Variants in ACOX2 observed in about 807,000 individuals in gnomAD.
ACOX2 encodes acyl-CoA oxidase 2, also known as peroxisomal acyl-coenzyme A oxidase 2.
A neutral mutation model predicts 77.5 loss-of-function variants in ACOX2; 59 were observed. The observed-to-expected ratio is 0.76, with a 90% CI of 0.62 to 0.95. ACOX2 has a LOEUF of 0.95. Ranked by LOEUF, ACOX2 falls within the 40% of genes least tolerant of loss-of-function variation. ACOX2 has a pLI of 0.00. For missense variants in ACOX2, 837 were observed against 880.4 expected (o/e 0.95, Z 0.62); for synonymous variants, 317 against 340.1 (o/e 0.93, Z 0.75).
rs1261911955 is a variant in ACOX2 at position 58,528,480 on chromosome 3, C to T, written c.1155+314G>A. On this transcript the variant is annotated intron_variant, in intron 9 of 14. Coordinates refer to ENST00000302819, the MANE Select transcript of ACOX2 (RefSeq NM_003500.4). This position sits in a 1 kb window ranked among gnomAD's most constrained non-coding sequence, Gnocchi z 5.6. ...CAGGTCAGTTCAGGTCAAACTATGC[C>T]ACCAAATGAGTTCCAAACAACTGTT... Among the ~76,000 whole-genome samples, 2 of 152,210 alleles carry T rather than the reference C, an allele frequency of 1.3e-5. No individual in the cohort carries two copies. Among genetic ancestry groups the T allele is most frequent in the Non-Finnish European group, 2.9e-5 (2 of 68,028 alleles).
rs1008735278 is a variant in ACOX2 at position 58,533,919 on chromosome 3, T to C, written c.475+75A>G. On this transcript the variant is annotated intron_variant, in intron 4 of 14. Coordinates refer to ENST00000302819, the MANE Select transcript of ACOX2 (RefSeq NM_003500.4). The surrounding 1 kb of genome is among the most constrained non-coding windows in gnomAD (Gnocchi z 5.6). ...CCCTCGGAGCATATGAACCTATGAC[T>C]ACCTAGATGTAAATGGGCCCTCTGG... 1.3e-6 allele frequency: 2 copies of C among 1,550,260 alleles called. No homozygotes were observed. The highest frequency in any genetic ancestry group is 1.7e-4 in the Middle Eastern group (1 of 5,864).
Position 58,533,489 on chromosome 3 carries a change from A to T in ACOX2, c.539T>A (p.Ile180Lys). ...GGTGGCAGTCAGCGTGGGGCTGTGT[A>T]TCACAAACTCCTGGGTGGCTGCGTC... ...TYDAATQEFV[I>K]HSPTLTATKW... Residue 180 changes from isoleucine (I) to lysine (K), a missense_variant, in exon 5 of 15, where the codon ATA (isoleucine) becomes AAA (lysine). Transcript: ENST00000302819. This position sits in a 1 kb window ranked among gnomAD's most constrained non-coding sequence, Gnocchi z 5.6. 1 of 1,613,944 alleles carries T rather than the reference A, an allele frequency of 6.2e-7. No individual in the cohort carries two copies.
rs1322784856 is a variant in ACOX2 at position 58,515,845 on chromosome 3, A to G, written c.1850+1361T>C. Among the ~76,000 whole-genome samples the G allele has an allele frequency of 6.6e-6, 1 of 151,842 alleles. No individual in the cohort carries two copies. The highest frequency in any genetic ancestry group is 1.5e-5 in the Non-Finnish European group (1 of 67,972). ...CAGGCTGGAGTGCAGTGGTGTGATC[A>G]TAGCTTACTGCAACCTCAACCTCCT... On this transcript the variant is annotated intron_variant, in intron 13 of 14. Coordinates refer to ENST00000302819, the MANE Select transcript of ACOX2 (RefSeq NM_003500.4). This position sits in a 1 kb window ranked among gnomAD's most constrained non-coding sequence, Gnocchi z 4.0.
chr3:58,513,967 G>C (rs1020034218), intron 13 of ACOX2, among the ~76,000 whole-genome samples: 3 of 152,138 alleles, frequency 2.0e-5, no homozygotes, highest in African/African-American at 7.2e-5. Flanking sequence ...TAGTCTGGCT[G>C]CCAGTTTTTT....
Position 58,505,941 on chromosome 3 carries a change from C to T in ACOX2, c.1984-655G>A, listed in dbSNP as rs928335564. On this transcript the variant is annotated intron_variant, in intron 14 of 14. Coordinates refer to ENST00000302819, the MANE Select transcript of ACOX2 (RefSeq NM_003500.4). The surrounding 1 kb of genome is among the most constrained non-coding windows in gnomAD (Gnocchi z 4.4). ...GAGTACCTTGGATTACAGGGGTGCA[C>T]CACCACACCTGGCTAATTTTTGTAT... is the stretch of plus-strand genomic sequence containing the variant. Among the ~76,000 whole-genome samples the T allele has an allele frequency of 2.6e-5, 4 of 152,116 alleles. No individual in the cohort carries two copies. The highest frequency in any genetic ancestry group is 9.7e-5 in the African/African-American group (4 of 41,408).
At chr3:58,511,126 C>T in intron 13 of ACOX2, 1 of 451,058 alleles carries the variant, frequency 2.2e-6, no homozygotes, top group Non-Finnish European at 4.5e-6. Context: ...AATGCTTTCT[C>T]TCTTCAGGCT....
chr3:58,510,159 G>A (rs1240244331), intron 13 of ACOX2, among the ~76,000 whole-genome samples: 1 of 152,020 alleles, frequency 6.6e-6, no homozygotes, highest in Non-Finnish European at 1.5e-5. Flanking sequence ...TTGACATTAT[G>A]ATGATTGTGT....
At chr3:58,506,361 C>G (rs1378382098) in intron 14 of ACOX2, among the ~76,000 whole-genome samples, 1 of 152,226 alleles carries the variant, frequency 6.6e-6, no homozygotes, top group Non-Finnish European at 1.5e-5. Flanking sequence ...CTGCCCCAGA[C>G]AGAAGAGAGC....
intron 13 of ACOX2, among the ~76,000 whole-genome samples, chr3:58,513,770 A>G (rs1560211463): frequency 6.6e-6 from 1 of 152,068 alleles, no homozygotes; most frequent in Non-Finnish European, 1.5e-5. Flanking sequence ...GTGTCTGATC[A>G]TAGCTAAAAG....
At chr3:58,508,765 A>T in intron 14 of ACOX2, 128 bp downstream of exon 14, 1 of 1,238,198 alleles carries the variant, frequency 8.1e-7, no homozygotes, top group Non-Finnish European at 1.1e-6. Context: ...AGAATATTTT[A>T]AACAGACGTG....
At chr3:58,506,770 T>C (rs9790243) in intron 14 of ACOX2, among the ~76,000 whole-genome samples, 137,501 of 151,798 alleles carry the variant, frequency 0.91, 62,404 homozygotes, top group East Asian at 1. Context: ...TCAGCCTGGA[T>C]GACAGAGCGA....
chr3:58,534,552 G>C lies in ACOX2; in HGVS notation c.161-30C>G. 1 of 1,614,136 alleles carries C rather than the reference G, an allele frequency of 6.2e-7. No homozygotes were observed. The highest frequency in any genetic ancestry group is 1.1e-5 in the South Asian group (1 of 91,074). ...AGAGGACAGAGAACAGAGGGCTTAG[G>C]GACCTGGGTGAGGTTTCTGGCACCT... On this transcript the variant is annotated intron_variant, in intron 2 of 14. Transcript: ENST00000302819. This position sits in a 1 kb window ranked among gnomAD's most constrained non-coding sequence, Gnocchi z 4.8.
In ACOX2 at chr3:58,526,756, A is replaced by G. The variant is rs1055266737; in HGVS notation, c.1156-100T>C. 5 of 1,298,900 alleles carry G rather than the reference A, an allele frequency of 3.8e-6. No individual in the cohort carries two copies. The highest frequency in any genetic ancestry group is 5.3e-6 in the Non-Finnish European group (5 of 941,610). 80.5% of individuals were successfully genotyped at this position (1,298,900 alleles called of 1,614,324 possible). A position where few individuals can be genotyped will look rare whatever the true frequency, so the allele number is the denominator to read the frequency against. On this transcript the variant is annotated intron_variant, in intron 9 of 14. Coordinates refer to ENST00000302819, the MANE Select transcript of ACOX2 (RefSeq NM_003500.4). This position sits in a 1 kb window ranked among gnomAD's most constrained non-coding sequence, Gnocchi z 4.3. ...CTGAGCATCTACTCATGCCCAGCTC[A>G]GCTCTGAGGTAAGAAGTGTTTCCTC...
Position 58,512,799 on chromosome 3 carries a change from G to C in ACOX2, c.1851-3774C>G. Among the ~76,000 whole-genome samples, 1 of 152,238 alleles carries C rather than the reference G, an allele frequency of 6.6e-6. No individual in the cohort carries two copies. Among genetic ancestry groups the C allele is most frequent in the African/African-American group, 2.4e-5 (1 of 41,452 alleles). On this transcript the variant is annotated intron_variant, in intron 13 of 14. Coordinates refer to ENST00000302819, the MANE Select transcript of ACOX2 (RefSeq NM_003500.4). This position sits in a 1 kb window ranked among gnomAD's most constrained non-coding sequence, Gnocchi z 4.8. ...AGAGCTGAAAAATTCCTATTGCTTA[G>C]TGATTGATGTTAGAATTGGCTGCAG... is the stretch of plus-strand genomic sequence containing the variant.
chr3:58,534,368 G>T lies in ACOX2; in HGVS notation c.315C>A (p.Tyr105Ter). 6.2e-7 allele frequency: 1 copy of T among 1,614,168 alleles called. No individual in the cohort carries two copies. Among genetic ancestry groups the T allele is most frequent in the Non-Finnish European group, 8.5e-7 (1 of 1,180,026 alleles). ...GCTCGAGGAGTGAGCACCTGTAAGC[G>T]TAGCCTAATTCACGACCATCTTCTA... is the stretch of plus-strand genomic sequence containing the variant. ...GWLEDGRELG[Y>*]AYRALSGDVA... The change falls in exon 3 of 15, where the codon TAC becomes TAA. Residue 105 changes from tyrosine (Y) to a stop codon, truncating the protein, a stop_gained. Coordinates refer to ENST00000302819, the MANE Select transcript of ACOX2 (RefSeq NM_003500.4). LOFTEE classifies it high-confidence loss of function. This position sits in a 1 kb window ranked among gnomAD's most constrained non-coding sequence, Gnocchi z 4.8.
chr3:58,510,023 A>G (rs1017818084), intron 13 of ACOX2, among the ~76,000 whole-genome samples: 1 of 152,144 alleles, frequency 6.6e-6, no homozygotes, highest in Non-Finnish European at 1.5e-5. Flanking sequence ...TCTTCATTCA[A>G]AAGGTAAAGA....
chr3:58,520,971 C>T (rs1000976361), intron 12 of ACOX2, among the ~76,000 whole-genome samples: 1 of 152,198 alleles, frequency 6.6e-6, no homozygotes, highest in African/African-American at 2.4e-5. Context: ...ATGTCAGTCT[C>T]CCTCCCAGGG....
At position 58,514,102 on chromosome 3, in the gene ACOX2, C is replaced by T. The variant is rs913013894; in HGVS notation, c.1850+3104G>A. On this transcript the variant is annotated intron_variant, in intron 13 of 14. Transcript: ENST00000302819. This position sits in a 1 kb window ranked among gnomAD's most constrained non-coding sequence, Gnocchi z 4.3. ...CCTGATGCTCCCTAGTCCACAGATC[C>T]TCTATTTACCCTTCTGCCAGGGCAG... is the stretch of plus-strand genomic sequence containing the variant. 6.6e-6 allele frequency among the ~76,000 whole-genome samples: 1 copy of T among 152,098 alleles called. No homozygotes were observed. The highest frequency in any genetic ancestry group is 1.5e-5 in the Non-Finnish European group (1 of 68,026).
rs1246101348 is a variant in ACOX2 at position 58,525,407 on chromosome 3, C to T, written c.1347-802G>A. ...CACCTGAGAATAGGTGAGGATGAGG[C>T]TCTGTCGGCCTCCAGGGCCCACAGA... is the stretch of plus-strand genomic sequence containing the variant. On this transcript the variant is annotated intron_variant, in intron 10 of 14. Transcript: ENST00000302819. This position sits in a 1 kb window ranked among gnomAD's most constrained non-coding sequence, Gnocchi z 5.0. Among the ~76,000 whole-genome samples the T allele has an allele frequency of 6.6e-6, 1 of 152,220 alleles. No homozygotes were observed. The highest frequency in any genetic ancestry group is 1.5e-5 in the Non-Finnish European group (1 of 68,042).
Sources: allele counts gnomAD v4.1 joint callset (sites outside exome capture counted in the v4.1 genomes callset), GRCh38; gene constraint gnomAD v4.1.1; non-coding constraint Gnocchi (gnomAD v3.1); transcripts MANE v1.5; gene names NCBI Gene and HGNC (gene_info 2026-07-23, HGNC 2026-07-21).